Variants in SLC38A1 observed in about 807,000 individuals in gnomAD.
The protein encoded by SLC38A1 is sodium-coupled neutral amino acid symporter 1.
Under a neutral mutation model 60.3 loss-of-function variants are expected in SLC38A1, and 18 were observed. The ratio of observed to expected loss-of-function variants is 0.30; its 90% confidence interval spans 0.21 to 0.44. SLC38A1 has a LOEUF of 0.44. Ranked by LOEUF, SLC38A1 falls within the 20% of genes least tolerant of loss-of-function variation. The pLI is 1.00. For synonymous variants in SLC38A1, 196 were observed against 212.1 expected, an observed-to-expected ratio of 0.92 and a Z score of 0.66; for missense variants, 448 against 587.2, an observed-to-expected ratio of 0.76 and a Z score of 2.45.
At chr12:46,239,516 G>A in intron 3 of SLC38A1, 163 bp downstream of exon 3, 1 of 634,034 alleles carries the variant, frequency 1.6e-6, no homozygotes, top group Non-Finnish European at 2.7e-6. Context: ...GTAGAGACGG[G>A]GTTTCACCAT....
intron 5 of SLC38A1, among the ~76,000 whole-genome samples, chr12:46,227,912 T>C (rs1323748019): frequency 6.6e-6 from 1 of 152,124 alleles, no homozygotes. Flanking sequence ...ACCAGAAGTG[T>C]AGCTCCTCAA....
At chr12:46,200,302 G>A (rs1939594019) in intron 13 of SLC38A1, among the ~76,000 whole-genome samples, 1 of 151,614 alleles carries the variant, frequency 6.6e-6, no homozygotes, top group Non-Finnish European at 1.5e-5. Flanking sequence ...TTAATTTTGA[G>A]ACATTTGTGT....
intron 14 of SLC38A1, 35 bp downstream of exon 14, chr12:46,198,590 A>T (rs778351918): frequency 1.4e-6 from 2 of 1,416,126 alleles, no homozygotes; most frequent in East Asian, 4.7e-5. Context: ...CCGAGACCTC[A>T]GCTTTTCTCA....
chr12:46,244,479 C>T (rs1941549077), intron 1 of SLC38A1, among the ~76,000 whole-genome samples: 1 of 152,216 alleles, frequency 6.6e-6, no homozygotes, highest in Admixed American at 6.5e-5. Flanking sequence ...AATTTAGATT[C>T]CACCAATGGG....
In SLC38A1 at chr12:46,218,412, T is replaced by C. The variant is rs528969981; in HGVS notation, c.315-9285A>G. On this transcript the variant is annotated intron_variant, in intron 5 of 16. Transcript: ENST00000398637. ...TCTCGGTGGGTATTTGGGACTTTTG[T>C]TCCGGTAGAAAGGTGGATTGGGGGC... 2.7e-5 allele frequency among the ~76,000 whole-genome samples: 4 copies of C among 147,628 alleles called. No homozygotes were observed. The East Asian group carries it at 6.0e-4, about 22-fold the overall frequency.
At chr12:46,234,264 G>A (rs1317039501) in intron 3 of SLC38A1, among the ~76,000 whole-genome samples, 1 of 152,196 alleles carries the variant, frequency 6.6e-6, no homozygotes, top group African/African-American at 2.4e-5. Context: ...ACTCAGAGGA[G>A]CTCTCCATAA....
intron 5 of SLC38A1, among the ~76,000 whole-genome samples, chr12:46,225,228 G>T (rs2137784317): frequency 6.6e-6 from 1 of 152,322 alleles, no homozygotes; most frequent in East Asian, 1.9e-4. Flanking sequence ...ATGACTGAAA[G>T]TTGGGGATAA....
chr12:46,207,857 A>G (rs1325973883), intron 6 of SLC38A1, among the ~76,000 whole-genome samples: 1 of 152,208 alleles, frequency 6.6e-6, no homozygotes, highest in Non-Finnish European at 1.5e-5. Context: ...TGGCTACCAG[A>G]GCATTACAAT....
chr12:46,230,448 C>T (rs1941031783), intron 3 of SLC38A1, among the ~76,000 whole-genome samples: 1 of 152,178 alleles, frequency 6.6e-6, no homozygotes, highest in East Asian at 1.9e-4. Context: ...GCATGCTACC[C>T]TAGTTTCCTC....
At chr12:46,204,164 A>G (rs1344642854) in intron 11 of SLC38A1, 137 bp downstream of exon 11, 1 of 687,266 alleles carries the variant, frequency 1.5e-6, no homozygotes, top group East Asian at 2.5e-5. Flanking sequence ...CTCTACATAG[A>G]TGTGTAATCT....
chr12:46,252,455 G>A (rs1941881863), intron 1 of SLC38A1, among the ~76,000 whole-genome samples: 1 of 151,954 alleles, frequency 6.6e-6, no homozygotes, highest in Non-Finnish European at 1.5e-5. Context: ...CCTGCACGTT[G>A]TGCACATGTA....
rs145396096 is a variant in SLC38A1, at chr12:46,185,073, C to T, written c.*3897G>A. The stretch of plus-strand genomic sequence containing the variant: ...TTGCACCATGAGTCCTAGGAATCAT[C>T]TGGTGAGGGAGGACTAATGGGAAGT... On this transcript the variant is annotated 3_prime_UTR_variant, in exon 17 of 17. Coordinates refer to ENST00000398637, the MANE Select transcript of SLC38A1 (RefSeq NM_030674.4). 1 of 152,242 alleles carries T rather than the reference C, an allele frequency of 6.6e-6. No individual in the cohort carries two copies. The highest frequency in any genetic ancestry group is 1.9e-4 in the East Asian group (1 of 5,174). 9.4% of individuals were successfully genotyped at this position (152,242 alleles called of 1,614,324 possible).
intron 5 of SLC38A1, among the ~76,000 whole-genome samples, chr12:46,217,002 T>A (rs1262993720): frequency 6.6e-6 from 1 of 152,206 alleles, no homozygotes; most frequent in African/African-American, 2.4e-5. Flanking sequence ...TGATCTTTTA[T>A]ATGAAAATGG....
chr12:46,239,599 T>A, intron 3 of SLC38A1, 80 bp downstream of exon 3: 5 of 1,537,580 alleles, frequency 3.3e-6, no homozygotes, highest in Non-Finnish European at 3.6e-6. Flanking sequence ...CACCTCGGCC[T>A]CCCAAAGTGA....
intron 11 of SLC38A1, among the ~76,000 whole-genome samples, 197 bp from the exon 12 acceptor site, chr12:46,203,286 T>C (rs886736770): frequency 6.6e-6 from 1 of 152,216 alleles, no homozygotes. Context: ...CATTAGCCAC[T>C]TGTCACAGAG....
intron 3 of SLC38A1, among the ~76,000 whole-genome samples, chr12:46,235,102 A>G (rs1941213954): frequency 6.6e-6 from 1 of 152,262 alleles, no homozygotes; most frequent in Non-Finnish European, 1.5e-5. Context: ...CCCTGAACAG[A>G]CAAAGCCTTA....
In SLC38A1 at chr12:46,188,924, A is replaced by C; in HGVS notation, c.*46T>G. The C allele has an allele frequency of 6.7e-7, 1 of 1,483,922 alleles. No individual in the cohort carries two copies. The highest frequency in any genetic ancestry group is 1.1e-5 in the South Asian group (1 of 88,458). 91.9% of individuals were successfully genotyped at this position (1,483,922 alleles called of 1,614,324 possible). ...GGTGAGAGATTGCTGATGTGTGGGGACTTGACTGAGCAGACAACAGGGATG... is the reference window on the plus strand; with the variant it reads ...GGTGAGAGATTGCTGATGTGTGGGGCCTTGACTGAGCAGACAACAGGGATG... On this transcript the variant is annotated 3_prime_UTR_variant, in exon 17 of 17. Transcript: ENST00000398637.
intron 5 of SLC38A1, among the ~76,000 whole-genome samples, chr12:46,225,641 G>C (rs1940834492): frequency 6.6e-6 from 1 of 152,134 alleles, no homozygotes; most frequent in African/African-American, 2.4e-5. Flanking sequence ...CCAAGTAAAG[G>C]AACATCTTAA....
At chr12:46,264,115 G>A (rs564098775) in intron 1 of SLC38A1, among the ~76,000 whole-genome samples, 1 of 152,214 alleles carries the variant, frequency 6.6e-6, no homozygotes, top group Non-Finnish European at 1.5e-5. Context: ...TGAGTCTAAT[G>A]TGAAGTCTGC....
Sources: allele counts gnomAD v4.1 joint callset (sites outside exome capture counted in the v4.1 genomes callset), GRCh38; gene constraint gnomAD v4.1.1; transcripts MANE v1.5; gene names NCBI Gene and HGNC (gene_info 2026-07-23, HGNC 2026-07-21).